Variants in SIN3A observed in about 807,000 individuals in gnomAD.
SIN3A encodes SIN3 transcription regulator family member A.
Under a neutral mutation model 146.1 loss-of-function variants are expected in SIN3A, and 14 were observed. The ratio of observed to expected loss-of-function variants is 0.10; its 90% confidence interval spans 0.06 to 0.15. The LOEUF is 0.15. Ranked by LOEUF, SIN3A falls within the 10% of genes least tolerant of loss-of-function variation. SIN3A has a pLI of 1.00. For missense variants in SIN3A, 1,028 were observed against 1,576.0 expected (o/e 0.65, Z 5.89); for synonymous variants, 572 against 572.0 (o/e 1.00, Z 0.00).
intron 1 of SIN3A, among the ~76,000 whole-genome samples, chr15:75,449,780 TTTTTTTGGTTG>T (rs1303645466): frequency 2.0e-5 from 3 of 152,166 alleles, no homozygotes; most frequent in Non-Finnish European, 4.4e-5. Flanking sequence ...GGAAACCAAG[TTTTTTTGGTTG>T]TTTTTTGAGG....
At chr15:75,384,805 ATTCT>A (rs2073048940) in intron 16 of SIN3A, among the ~76,000 whole-genome samples, 1 of 152,154 alleles carries the variant, frequency 6.6e-6, no homozygotes, top group Non-Finnish European at 1.5e-5. Flanking sequence ...TCTCATACAT[ATTCT>A]TTCTCATTTG....
In SIN3A at chr15:75,384,359, C is replaced by T. The variant is rs761480300; in HGVS notation, c.3100G>A (p.Gly1034Arg). Residue 1034 changes from glycine to arginine, a missense_variant, in exon 17 of 21, where the codon GGA (glycine) becomes AGA (arginine). Gly to Arg is a moderately radical substitution (Grantham distance 125, BLOSUM62 -2). Transcript: ENST00000394947. ...YLAENNNGAT[G>R]GQLNTQNSRS... Reference sequence around the variant, plus strand: ...GAGTTCTGTGTGTTCAGCTGGCCTCCGGTGGCCCCATTATTATTTTCTGCC... The same window carrying T: ...GAGTTCTGTGTGTTCAGCTGGCCTCTGGTGGCCCCATTATTATTTTCTGCC... 77 of 1,613,602 alleles carry T rather than the reference C, an allele frequency of 4.8e-5. No individual in the cohort carries two copies. The highest frequency in any genetic ancestry group is 6.1e-5 in the Non-Finnish European group (72 of 1,179,722).
chr15:75,375,770 C>G lies in SIN3A; in HGVS notation c.3486G>C (p.Leu1162=), dbSNP rs769666153. Residue 1162 remains leucine, a synonymous_variant, in exon 20 of 21, where the codon CTG becomes CTC. Transcript: ENST00000394947. ...GCTTGAATCTACACTCCAGCTTATC[C>G]AGACTATCCACATTCTCCATGGTCT... The part of the protein sequence containing the change: ...SKKTMENVDS[L]DKLECRFKLN... 6.2e-7 allele frequency: 1 copy of G among 1,614,148 alleles called. No homozygotes were observed. Among genetic ancestry groups the G allele is most frequent in the South Asian group, 1.1e-5 (1 of 91,076 alleles).
At position 75,435,420 on chromosome 15, in the gene SIN3A, G is replaced by A. The variant is rs117418155; in HGVS notation, c.-33-5012C>T. On this transcript the variant is annotated intron_variant, in intron 1 of 20. Coordinates refer to ENST00000394947, the MANE Select transcript of SIN3A (RefSeq NM_001145358.2). Reference sequence around the variant, plus strand: ...TTAAGTGAAAACAGCAGGCTAGGCCGGATGCAGTGGCTTACGCTTATAATC... The same window carrying A: ...TTAAGTGAAAACAGCAGGCTAGGCCAGATGCAGTGGCTTACGCTTATAATC... 4.3e-3 allele frequency among the ~76,000 whole-genome samples: 655 copies of A among 152,304 alleles called. 2 individuals are homozygous for A. The highest frequency in any genetic ancestry group is 6.8e-3 in the Middle Eastern group (2 of 294).
intron 14 of SIN3A, among the ~76,000 whole-genome samples, chr15:75,393,183 C>T (rs533789019): frequency 1.4e-4 from 22 of 152,282 alleles, no homozygotes; most frequent in Middle Eastern, 3.4e-3. Flanking sequence ...GAGCCGAGAT[C>T]GTACTACTGC....
At chr15:75,429,230 GAGCAACAC>G (rs1327861202) in intron 2 of SIN3A, among the ~76,000 whole-genome samples, 1 of 152,030 alleles carries the variant, frequency 6.6e-6, no homozygotes, top group African/African-American at 2.4e-5. Context: ...GGACCAGCCT[GAGCAACAC>G]AGCAACACCT....
intron 3 of SIN3A, chr15:75,421,240 G>A (rs2073836295): frequency 6.6e-6 from 1 of 152,166 alleles, no homozygotes. Flanking sequence ...AAAGTGCTAA[G>A]CCCGCAGCAA....
At chr15:75,376,739 A>C (rs2072864489) in intron 19 of SIN3A, among the ~76,000 whole-genome samples, 1 of 151,684 alleles carries the variant, frequency 6.6e-6, no homozygotes, top group South Asian at 2.1e-4. Flanking sequence ...GTGTGCCTAG[A>C]GTCTCAGCTA....
chr15:75,450,392 C>A (rs2074381036), intron 1 of SIN3A, among the ~76,000 whole-genome samples: 1 of 152,154 alleles, frequency 6.6e-6, no homozygotes, highest in African/African-American at 2.4e-5. Context: ...CCGCCCCGTA[C>A]AGCCACGGTA....
intron 3 of SIN3A, among the ~76,000 whole-genome samples, chr15:75,414,627 G>A (rs898326864): frequency 3.3e-5 from 5 of 152,176 alleles, no homozygotes; most frequent in Non-Finnish European, 5.9e-5. Context: ...CAGGCCCAAT[G>A]TGAGTACCAA....
At chr15:75,449,439 G>C (rs1405160828) in intron 1 of SIN3A, among the ~76,000 whole-genome samples, 1 of 152,070 alleles carries the variant, frequency 6.6e-6, no homozygotes, top group Non-Finnish European at 1.5e-5. Flanking sequence ...TTTTTCTCAT[G>C]AAAAATGTGA....
chr15:75,400,580 A>G, intron 11 of SIN3A, 150 bp downstream of exon 11: 2 of 702,298 alleles, frequency 2.8e-6, no homozygotes, highest in South Asian at 3.9e-5. Flanking sequence ...CTCAAAAACA[A>G]ACAAAAAAGT....
At chr15:75,375,518 C>G (rs776287514) in intron 20 of SIN3A, 147 bp downstream of exon 20, 2 of 658,100 alleles carry the variant, frequency 3.0e-6, no homozygotes, top group Non-Finnish European at 5.3e-6. Flanking sequence ...GCATCCTTAG[C>G]AACCAACATA....
chr15:75,381,657 G>C lies in SIN3A; in HGVS notation c.3244C>G (p.Leu1082Val). The C allele has an allele frequency of 6.2e-7, 1 of 1,613,992 alleles. No individual in the cohort carries two copies. The highest frequency in any genetic ancestry group is 8.5e-7 in the Non-Finnish European group (1 of 1,179,952). The change falls in exon 18 of 21, where the codon CTG (leucine) becomes GTG (valine). Residue 1082 changes from leucine to valine, a missense_variant. By Grantham distance (32) the Leu-to-Val change is conservative. This residue lies in a region of SIN3A where 488 missense variants were observed against 690.2 expected (regional missense o/e 0.71). Transcript: ENST00000394947. The part of the protein sequence containing the change: ...QGQVQLTIEL[L>V]DTEEENSDDP... ...TCCGAATTCTCCTCTTCTGTGTCCAGAAGCTCAATAGTCAGCTGGACCTGG... is the reference window on the plus strand; with the variant it reads ...TCCGAATTCTCCTCTTCTGTGTCCACAAGCTCAATAGTCAGCTGGACCTGG...
intron 9 of SIN3A, among the ~76,000 whole-genome samples, chr15:75,403,168 G>A (rs12915221): frequency 0.6 from 90,208 of 151,456 alleles, 28,151 homozygotes; most frequent in African/African-American, 0.8. Flanking sequence ...CACGCCTGTA[G>A]TCCCAGCACT....
At chr15:75,423,400 C>T (rs1252993074) in intron 2 of SIN3A, among the ~76,000 whole-genome samples, 8 of 152,274 alleles carry the variant, frequency 5.3e-5, no homozygotes, top group Admixed American at 2.6e-4. Flanking sequence ...ATTATATAGC[C>T]GGGCACGGTG....
chr15:75,432,335 T>G (rs571115499), intron 1 of SIN3A, among the ~76,000 whole-genome samples: 3 of 152,292 alleles, frequency 2.0e-5, no homozygotes, highest in Admixed American at 2.0e-4. Context: ...TGGGTTCTGT[T>G]GGTTTAAAAC....
At chr15:75,383,762 C>A (rs544228658) in intron 17 of SIN3A, among the ~76,000 whole-genome samples, 1 of 152,238 alleles carries the variant, frequency 6.6e-6, no homozygotes, top group African/African-American at 2.4e-5. Flanking sequence ...GCTGAGACTA[C>A]AGGTGCACGC....
At chr15:75,383,009 C>T (rs1377111225) in intron 17 of SIN3A, among the ~76,000 whole-genome samples, 1 of 152,058 alleles carries the variant, frequency 6.6e-6, no homozygotes, top group Admixed American at 6.5e-5. Context: ...ACTGCTTGAA[C>T]CCAGGAGGCG....
Sources: gnomAD v4.1 joint callset for allele counts (sites outside exome capture counted in the v4.1 genomes callset) on GRCh38, gnomAD v4.1.1 for gene constraint, gnomAD v4.1.1 regional missense constraint, MANE v1.5 for transcripts, NCBI Gene and HGNC (gene_info 2026-07-23, HGNC 2026-07-21) for gene names.